Variants in ADORA1 observed in about 807,000 individuals in gnomAD.
ADORA1 encodes the protein adenosine receptor A1.
ADORA1 carries 6 observed loss-of-function variants against 19.9 expected under a neutral mutation model. The ratio of observed to expected loss-of-function variants is 0.30; its 90% CI spans 0.17 to 0.59. The LOEUF is 0.59. Ranked by LOEUF, ADORA1 falls within the 20% of genes least tolerant of loss-of-function variation. The pLI, the probability that ADORA1 is intolerant of heterozygous loss-of-function variation, is 0.87. For synonymous variants in ADORA1, 194 were observed against 188.4 expected, an observed-to-expected ratio of 1.03 and a Z score of -0.24; for missense variants, 302 against 439.2, an observed-to-expected ratio of 0.69 and a Z score of 2.79.
chr1:203,139,013 T>C (rs550715138), intron 3 of ADORA1, among the ~76,000 whole-genome samples: 1 of 152,226 alleles, frequency 6.6e-6, no homozygotes, highest in Admixed American at 6.5e-5. Context: ...GAGACAGGGT[T>C]TCACCAAGTT....
chr1:203,143,387 A>G (rs894410566), intron 3 of ADORA1, among the ~76,000 whole-genome samples: 1 of 152,198 alleles, frequency 6.6e-6, no homozygotes, highest in Non-Finnish European at 1.5e-5. Flanking sequence ...CCACCTCCAA[A>G]TGCCATCAGC....
intron 3 of ADORA1, among the ~76,000 whole-genome samples, chr1:203,150,930 A>G (rs992515224): frequency 1.3e-5 from 2 of 152,102 alleles, no homozygotes; most frequent in African/African-American, 4.8e-5. Context: ...CAGCATCCCA[A>G]TCTCCCTGGC....
chr1:203,163,330 T>C (rs1655429900), intron 3 of ADORA1, among the ~76,000 whole-genome samples: 1 of 152,204 alleles, frequency 6.6e-6, no homozygotes, highest in African/African-American at 2.4e-5. Context: ...GACATTGATC[T>C]AGCAAGTTGC....
Position 203,128,235 on chromosome 1 carries a change from G to T in ADORA1, c.-212-43G>T, listed in dbSNP as rs200693157. The T allele has an allele frequency of 3.9e-5, 41 of 1,045,726 alleles. No homozygotes were observed. In the South Asian group the frequency reaches 4.8e-4, roughly 12 times the overall value. The allele number at this position is 1,045,726 out of a possible 1,614,324, so 64.8% of individuals were successfully genotyped here. On this transcript the variant is annotated intron_variant, in intron 1 of 3. Coordinates refer to ENST00000337894, the MANE Select transcript of ADORA1 (RefSeq NM_000674.3). This position sits in a 1 kb window ranked among gnomAD's most constrained non-coding sequence, Gnocchi z 5.9. ...ACAGGGGCGCTACCTCTTTAAAAGC[G>T]TCCGGGGCTGAGTCTCTGCCGTACC...
chr1:203,150,179 G>A (rs943537941), intron 3 of ADORA1: 2 of 153,016 alleles, frequency 1.3e-5, no homozygotes, highest in Admixed American at 6.5e-5. Context: ...CTGGGGAGGG[G>A]GATCTCTGGC....
At chr1:203,155,160 G>A (rs1655160072) in intron 3 of ADORA1, among the ~76,000 whole-genome samples, 1 of 151,910 alleles carries the variant, frequency 6.6e-6, no homozygotes, top group Non-Finnish European at 1.5e-5. Flanking sequence ...TCCTGCCTCA[G>A]CCTCCTGAGT....
chr1:203,151,979 C>A (rs1655052034), intron 3 of ADORA1, among the ~76,000 whole-genome samples: 1 of 152,204 alleles, frequency 6.6e-6, no homozygotes, highest in South Asian at 2.1e-4. Context: ...TCCTCCTCCC[C>A]ACAAGGAGTT....
At chr1:203,150,570 G>A (rs1654999110) in intron 3 of ADORA1, 3 of 1,266,714 alleles carry the variant, frequency 2.4e-6, no homozygotes, top group South Asian at 2.6e-5. Flanking sequence ...ACACCCCTTT[G>A]CCTGGTTGCA....
chr1:203,166,103 C>T lies in ADORA1; in HGVS notation c.*203C>T, dbSNP rs1165918409. 1.1e-5 allele frequency: 7 copies of T among 616,254 alleles called. No individual in the cohort carries two copies. In the Admixed American group the frequency reaches 1.5e-4, roughly 13 times the overall value. 38.2% of individuals were successfully genotyped at this position (616,254 alleles called of 1,614,324 possible). ...CTACACCTCTGGGCCCTGCAGGAGG[C>T]CTGGGAGGGCAAGGGTCCTACGGAG... On this transcript the variant is annotated 3_prime_UTR_variant, in exon 4 of 4. Coordinates refer to ENST00000337894, the MANE Select transcript of ADORA1 (RefSeq NM_000674.3).
chr1:203,165,203 G>A lies in ADORA1; in HGVS notation c.342-58G>A. On this transcript the variant is annotated intron_variant, in intron 3 of 3. Coordinates refer to ENST00000337894, the MANE Select transcript of ADORA1 (RefSeq NM_000674.3). The surrounding 1 kb of genome is among the most constrained non-coding windows in gnomAD (Gnocchi z 5.9). ...CCCTGGAGGCCAGGCGTGCCTCAGA[G>A]GGGCCTTTCGAGGCAGCTGGGAGGC... 6.2e-7 allele frequency: 1 copy of A among 1,600,676 alleles called. No homozygotes were observed. Among genetic ancestry groups the A allele is most frequent in the African/African-American group, 1.3e-5 (1 of 74,354 alleles).
Position 203,143,227 on chromosome 1 carries a change from T to C in ADORA1, c.341+14045T>C, listed in dbSNP as rs956976209. The stretch of plus-strand genomic sequence containing the variant: ...GTGCTGGGGTCTGATGAGGGCCTCC[T>C]TGCTGCGTCACAGTGGAGGGCATCA... On this transcript the variant is annotated intron_variant, in intron 3 of 3. Coordinates refer to ENST00000337894, the MANE Select transcript of ADORA1 (RefSeq NM_000674.3). 3.3e-5 allele frequency among the ~76,000 whole-genome samples: 5 copies of C among 152,294 alleles called. No individual in the cohort carries two copies. The South Asian group carries it at 1.0e-3, about 32-fold the overall frequency.
chr1:203,132,500 A>G (rs1262060700), intron 3 of ADORA1, among the ~76,000 whole-genome samples: 1 of 152,190 alleles, frequency 6.6e-6, no homozygotes, highest in Admixed American at 6.5e-5. Flanking sequence ...GCAACCTTTG[A>G]TAAGTTATTC....
chr1:203,129,285 G>A (rs1026779999), intron 3 of ADORA1, 103 bp downstream of exon 3: 1 of 1,493,452 alleles, frequency 6.7e-7, no homozygotes, highest in African/African-American at 1.4e-5. Context: ...AAGTAAGCCA[G>A]ATGTTCTTTG....
At chr1:203,136,988 T>C (rs776760510) in intron 3 of ADORA1, among the ~76,000 whole-genome samples, 1 of 152,174 alleles carries the variant, frequency 6.6e-6, no homozygotes, top group Non-Finnish European at 1.5e-5. Flanking sequence ...GGAAATCAGA[T>C]GCTAGATAAT....
At chr1:203,155,397 A>G (rs1655169378) in intron 3 of ADORA1, among the ~76,000 whole-genome samples, 1 of 152,160 alleles carries the variant, frequency 6.6e-6, no homozygotes, top group Non-Finnish European at 1.5e-5. Context: ...CAACCTAACT[A>G]TCAGTCCCCA....
chr1:203,143,029 C>G (rs1471873673), intron 3 of ADORA1, among the ~76,000 whole-genome samples: 1 of 152,200 alleles, frequency 6.6e-6, no homozygotes, highest in East Asian at 1.9e-4. Flanking sequence ...ATGATGCAAA[C>G]AACATTCAGA....
At chr1:203,160,596 T>C (rs1037235330) in intron 3 of ADORA1, among the ~76,000 whole-genome samples, 4 of 152,188 alleles carry the variant, frequency 2.6e-5, no homozygotes, top group African/African-American at 9.7e-5. Flanking sequence ...GAGGATCACT[T>C]GAGCCCTGGA....
At position 203,157,080 on chromosome 1, in the gene ADORA1, A is replaced by C. The variant is rs112203842; in HGVS notation, c.342-8181A>C. On this transcript the variant is annotated intron_variant, in intron 3 of 3. Coordinates refer to ENST00000337894, the MANE Select transcript of ADORA1 (RefSeq NM_000674.3). ...CATGTCCTTCTCGCATGCAAAATAC[A>C]TTTATTCCATCCCAGTAGGCCCCAA... 1.2e-3 allele frequency among the ~76,000 whole-genome samples: 182 copies of C among 152,336 alleles called. 1 individual carries two copies. The highest frequency in any genetic ancestry group is 3.9e-3 in the African/African-American group (164 of 41,568).
At chr1:203,161,907 C>T (rs147165895) in intron 3 of ADORA1, among the ~76,000 whole-genome samples, 1 of 152,178 alleles carries the variant, frequency 6.6e-6, no homozygotes, top group Admixed American at 6.5e-5. Context: ...ACTGTCTGCC[C>T]TGCTGGCCTG....
Sources: allele counts gnomAD v4.1 joint callset (sites outside exome capture counted in the v4.1 genomes callset), GRCh38; gene constraint gnomAD v4.1.1; non-coding constraint Gnocchi (gnomAD v3.1); transcripts MANE v1.5; gene names NCBI Gene and HGNC (gene_info 2026-07-23, HGNC 2026-07-21).